Variants in ILRUN observed in about 807,000 individuals in gnomAD.
ILRUN encodes protein ILRUN.
In ILRUN, 3 loss-of-function variants were observed where a neutral mutation model predicts 33.8. That is an observed-to-expected ratio of 0.09 (90% CI 0.04 to 0.23). The LOEUF (loss-of-function observed/expected upper bound fraction) is 0.23, where lower values mean the gene tolerates loss of function less well. Ranked by LOEUF, ILRUN falls within the 10% of genes least tolerant of loss-of-function variation. ILRUN has a pLI of 1.00. For missense variants in ILRUN, 210 were observed against 375.1 expected, an observed-to-expected ratio of 0.56 and a Z score of 3.64; for synonymous variants, 124 against 138.9, an observed-to-expected ratio of 0.89 and a Z score of 0.75.
At chr6:34,648,455 G>A (rs1762600462) in intron 2 of ILRUN, among the ~76,000 whole-genome samples, 1 of 152,136 alleles carries the variant, frequency 6.6e-6, no homozygotes. Flanking sequence ...GGGTCTTAAG[G>A]GGTAGCAGCT....
intron 3 of ILRUN, among the ~76,000 whole-genome samples, chr6:34,642,518 C>A (rs1762492947): frequency 6.6e-6 from 1 of 152,070 alleles, no homozygotes; most frequent in African/African-American, 2.4e-5. Flanking sequence ...TGAAACACGG[C>A]TTTACCACTG....
At chr6:34,616,310 C>G (rs1448720099) in intron 3 of ILRUN, among the ~76,000 whole-genome samples, 2 of 152,172 alleles carry the variant, frequency 1.3e-5, no homozygotes, top group Non-Finnish European at 2.9e-5. Context: ...ATCAACCCAT[C>G]TTCAAAGCAG....
At chr6:34,628,284 G>C (rs1411515849) in intron 3 of ILRUN, among the ~76,000 whole-genome samples, 1 of 151,890 alleles carries the variant, frequency 6.6e-6, no homozygotes, top group Non-Finnish European at 1.5e-5. Context: ...GCCAGCTAAA[G>C]TGTTGAGATT....
At chr6:34,633,886 AGG>A in intron 3 of ILRUN, among the ~76,000 whole-genome samples, 2 of 18,368 alleles carry the variant, frequency 1.1e-4, no homozygotes, top group Middle Eastern at 0.056. Context: ...GGAGAGAGGG[AGG>A]GAGGGAGGGA....
chr6:34,692,243 C>T (rs1168289088), intron 1 of ILRUN, among the ~76,000 whole-genome samples: 2 of 152,190 alleles, frequency 1.3e-5, no homozygotes, highest in Non-Finnish European at 2.9e-5. Context: ...GGATTATAGG[C>T]GTGAGCTACT....
intron 4 of ILRUN, among the ~76,000 whole-genome samples, chr6:34,596,234 C>G (rs1159131440): frequency 1.3e-5 from 2 of 152,230 alleles, no homozygotes; most frequent in African/African-American, 4.8e-5. Flanking sequence ...GGTGGCACAG[C>G]AGGACCCGTC....
chr6:34,622,771 C>T (rs1257271542), intron 3 of ILRUN, among the ~76,000 whole-genome samples: 1 of 152,178 alleles, frequency 6.6e-6, no homozygotes. Flanking sequence ...GATCTGAAAA[C>T]AGGGTCTCAA....
At chr6:34,678,925 G>A (rs1013857571) in intron 1 of ILRUN, among the ~76,000 whole-genome samples, 3 of 149,758 alleles carry the variant, frequency 2.0e-5, no homozygotes, top group Non-Finnish European at 4.4e-5. Flanking sequence ...AAAAGTGCAA[G>A]TTCAGTAAAT....
At chr6:34,680,474 T>G (rs184039727) in intron 1 of ILRUN, among the ~76,000 whole-genome samples, 1 of 151,632 alleles carries the variant, frequency 6.6e-6, no homozygotes, top group Admixed American at 6.6e-5. Flanking sequence ...TCTTTTTTTG[T>G]TTTTTTTGGA....
intron 1 of ILRUN, among the ~76,000 whole-genome samples, chr6:34,683,927 G>A (rs1332526869): frequency 1.3e-5 from 2 of 151,904 alleles, no homozygotes; most frequent in African/African-American, 2.4e-5. Context: ...AACCGGCCAT[G>A]GTGGCAGGTG....
At chr6:34,615,405 G>A (rs971834076) in intron 3 of ILRUN, among the ~76,000 whole-genome samples, 2 of 151,856 alleles carry the variant, frequency 1.3e-5, no homozygotes, top group African/African-American at 2.4e-5. Context: ...AGACCAGCCC[G>A]GCCAACATGG....
rs145854805 is a variant in ILRUN at position 34,684,896 on chromosome 6, T to C, written c.158+11550A>G. On this transcript the variant is annotated intron_variant, in intron 1 of 4. Coordinates refer to ENST00000374023, the MANE Select transcript of ILRUN (RefSeq NM_024294.4). ...ACTGGGACCAGTCTTTGCAGGGTCC[T>C]AAATGAATGTCAAGCTAAAGCTTGC... is the stretch of plus-strand genomic sequence containing the variant. Among the ~76,000 whole-genome samples the C allele has an allele frequency of 7.9e-5, 12 of 152,284 alleles. No homozygotes were observed. In the East Asian group the frequency reaches 2.3e-3, roughly 29 times the overall value.
chr6:34,602,156 T>C (rs983074634), intron 4 of ILRUN, among the ~76,000 whole-genome samples: 1 of 151,948 alleles, frequency 6.6e-6, no homozygotes, highest in Admixed American at 6.6e-5. Flanking sequence ...ATAAGAGCCA[T>C]ATTTCAAGTA....
At chr6:34,634,142 T>C (rs2127350757) in intron 3 of ILRUN, among the ~76,000 whole-genome samples, 1 of 152,076 alleles carries the variant, frequency 6.6e-6, no homozygotes, top group East Asian at 1.9e-4. Context: ...GAAACTAACA[T>C]TGAACAAGAT....
chr6:34,665,909 T>C (rs1762987185), intron 1 of ILRUN, among the ~76,000 whole-genome samples: 2 of 151,118 alleles, frequency 1.3e-5, no homozygotes, highest in South Asian at 4.2e-4. Context: ...TGAGATTTCC[T>C]GACAGTGTGC....
intron 2 of ILRUN, among the ~76,000 whole-genome samples, 195 bp downstream of exon 2, chr6:34,654,430 C>A (rs1286103559): frequency 2.0e-5 from 3 of 152,202 alleles, no homozygotes; most frequent in South Asian, 2.1e-4. Context: ...GACATAAATT[C>A]TTCTTCCTAC....
At chr6:34,643,132 C>T (rs1280737791) in intron 3 of ILRUN, among the ~76,000 whole-genome samples, 1 of 151,842 alleles carries the variant, frequency 6.6e-6, no homozygotes, top group African/African-American at 2.4e-5. Context: ...CCCGTCTCTA[C>T]TGAAAATACA....
intron 1 of ILRUN, among the ~76,000 whole-genome samples, chr6:34,684,909 A>T (rs1221735126): frequency 6.6e-6 from 1 of 152,200 alleles, no homozygotes; most frequent in Non-Finnish European, 1.5e-5. Context: ...ATGAATGTCA[A>T]GCTAAAGCTT....
At chr6:34,611,647 C>G (rs973899197) in intron 3 of ILRUN, among the ~76,000 whole-genome samples, 8 of 152,126 alleles carry the variant, frequency 5.3e-5, no homozygotes, top group Non-Finnish European at 1.2e-4. Context: ...TACCAGAATG[C>G]CTTGATCACT....
Sources: gnomAD v4.1 joint callset for allele counts (sites outside exome capture counted in the v4.1 genomes callset) on GRCh38, gnomAD v4.1.1 for gene constraint, MANE v1.5 for transcripts, NCBI Gene and HGNC (gene_info 2026-07-23, HGNC 2026-07-21) for gene names.